The following GPC6 variants were observed in gnomAD, a reference collection of about 807,000 sequenced individuals.
GPC6 encodes the protein glypican-6.
GPC6 carries 14 observed loss-of-function variants against 55.2 expected under a neutral mutation model. That is an observed-to-expected ratio of 0.25 (90% CI 0.17 to 0.40). GPC6 has a LOEUF of 0.40. Ranked by LOEUF, GPC6 falls within the 10% of genes least tolerant of loss-of-function variation. GPC6 has a pLI of 1.00. For synonymous variants in GPC6, 278 were observed against 259.6 expected, an observed-to-expected ratio of 1.07 and a Z score of -0.68; for missense variants, 641 against 708.5, an observed-to-expected ratio of 0.90 and a Z score of 1.08.
In GPC6 at chr13:93,618,551, G is replaced by A. The variant is rs541019124; in HGVS notation, c.319+73130G>A. 4.6e-5 allele frequency among the ~76,000 whole-genome samples: 7 copies of A among 152,204 alleles called. No individual in the cohort carries two copies. In the South Asian group the frequency reaches 1.5e-3, roughly 32 times the overall value. ...AAAGAGAGGGCTTAGCAAAACAGATGTCCAAGGAGCCTCAGTAAACTCAAT... is the reference window on the plus strand; with the variant it reads ...AAAGAGAGGGCTTAGCAAAACAGATATCCAAGGAGCCTCAGTAAACTCAAT... On this transcript the variant is annotated intron_variant, in intron 2 of 8. Transcript: ENST00000377047.
intron 1 of GPC6, among the ~76,000 whole-genome samples, chr13:93,436,974 A>G (rs954348085): frequency 1.3e-5 from 2 of 151,938 alleles, no homozygotes; most frequent in Admixed American, 6.6e-5. Flanking sequence ...TCAACAGAAT[A>G]TGATTAATTT....
chr13:93,917,979 C>A (rs965698340), intron 3 of GPC6, among the ~76,000 whole-genome samples: 2 of 151,918 alleles, frequency 1.3e-5, no homozygotes, highest in Non-Finnish European at 2.9e-5. Context: ...TGCCTGTAAC[C>A]CCAGCTACTC....
At chr13:93,834,789 A>G (rs975592379) in intron 3 of GPC6, among the ~76,000 whole-genome samples, 2 of 152,196 alleles carry the variant, frequency 1.3e-5, no homozygotes, top group Admixed American at 6.5e-5. Context: ...GTCAGTTTCC[A>G]TGTTCCATAT....
chr13:93,916,691 G>A (rs1454193751), intron 3 of GPC6, among the ~76,000 whole-genome samples: 1 of 151,972 alleles, frequency 6.6e-6, no homozygotes, highest in African/African-American at 2.4e-5. Context: ...GCTGTGAAAT[G>A]CACTTTAAGT....
intron 2 of GPC6, among the ~76,000 whole-genome samples, chr13:93,795,163 C>T (rs1199533048): frequency 6.6e-6 from 1 of 152,066 alleles, no homozygotes; most frequent in Non-Finnish European, 1.5e-5. Flanking sequence ...ATTACATCTA[C>T]CCTAGGTATA....
intron 4 of GPC6, among the ~76,000 whole-genome samples, chr13:94,086,701 GATTGTAA>G (rs11279845): frequency 0.17 from 25,915 of 151,900 alleles, 2,744 homozygotes; most frequent in South Asian, 0.26. Flanking sequence ...AGACATGATT[GATTGTAA>G]ATCAGATAAC....
intron 3 of GPC6, among the ~76,000 whole-genome samples, chr13:93,937,035 A>G (rs1231133507): frequency 1.3e-5 from 2 of 152,236 alleles, no homozygotes; most frequent in Non-Finnish European, 2.9e-5. Context: ...AAGGTAGTAG[A>G]GAAAGCAGAA....
intron 1 of GPC6, among the ~76,000 whole-genome samples, chr13:93,259,044 A>G (rs1269628918): frequency 6.6e-6 from 1 of 152,188 alleles, no homozygotes; most frequent in African/African-American, 2.4e-5. Context: ...GCAAATGAGT[A>G]CAAAGACTGA....
intron 4 of GPC6, among the ~76,000 whole-genome samples, chr13:94,045,459 C>G (rs1883697976): frequency 1.3e-5 from 2 of 151,780 alleles, no homozygotes; most frequent in African/African-American, 4.8e-5. Context: ...GACATTCTTC[C>G]TCTTGTCCAC....
At chr13:93,322,595 C>T (rs973258721) in intron 1 of GPC6, among the ~76,000 whole-genome samples, 3 of 151,734 alleles carry the variant, frequency 2.0e-5, no homozygotes, top group Middle Eastern at 3.4e-3. Context: ...CGCCACCATG[C>T]CCAGCTAATT....
chr13:94,157,683 G>A (rs1888002447), intron 4 of GPC6, among the ~76,000 whole-genome samples: 1 of 152,188 alleles, frequency 6.6e-6, no homozygotes. Context: ...GGACTTGGAG[G>A]AGGAGACTGG....
At chr13:93,460,777 C>A (rs1878650001) in intron 1 of GPC6, among the ~76,000 whole-genome samples, 1 of 151,830 alleles carries the variant, frequency 6.6e-6, no homozygotes, top group Non-Finnish European at 1.5e-5. Context: ...ACTAATATTA[C>A]CCCCCCATTG....
intron 3 of GPC6, among the ~76,000 whole-genome samples, chr13:93,923,619 G>T (rs1004807106): frequency 2.0e-5 from 3 of 152,014 alleles, no homozygotes; most frequent in Non-Finnish European, 2.9e-5. Context: ...GTCTTAATTT[G>T]CTCTTTTTGT....
At chr13:94,273,530 A>G (rs929201603) in intron 4 of GPC6, among the ~76,000 whole-genome samples, 1 of 152,232 alleles carries the variant, frequency 6.6e-6, no homozygotes, top group East Asian at 1.9e-4. Context: ...CTTTGTCTCC[A>G]TCACCTATGT....
chr13:93,556,927 A>G (rs1214329697), intron 2 of GPC6, among the ~76,000 whole-genome samples: 2 of 152,038 alleles, frequency 1.3e-5, no homozygotes, highest in Non-Finnish European at 2.9e-5. Context: ...GTGTAACTAT[A>G]TTTTTTCATA....
intron 3 of GPC6, among the ~76,000 whole-genome samples, chr13:93,835,904 C>T (rs773840420): frequency 4.3e-4 from 66 of 152,104 alleles, no homozygotes; most frequent in Non-Finnish European, 4.0e-4. Context: ...GAGCTGGGAT[C>T]CATATAACTT....
intron 4 of GPC6, among the ~76,000 whole-genome samples, chr13:94,224,350 A>G (rs1438800615): frequency 6.6e-6 from 1 of 151,428 alleles, no homozygotes; most frequent in Admixed American, 6.6e-5. Context: ...ATAAAATATA[A>G]ACTTTATTTC....
chr13:94,204,876 A>T (rs886299885), intron 4 of GPC6, among the ~76,000 whole-genome samples: 2 of 152,188 alleles, frequency 1.3e-5, no homozygotes, highest in Non-Finnish European at 2.9e-5. Flanking sequence ...ATAAACATTT[A>T]TCTCTTAGAA....
At chr13:94,089,639 C>T (rs930965159) in intron 4 of GPC6, among the ~76,000 whole-genome samples, 1 of 152,106 alleles carries the variant, frequency 6.6e-6, no homozygotes, top group Non-Finnish European at 1.5e-5. Flanking sequence ...AAAATGCACA[C>T]AAATGTGAGA....
Sources: allele counts gnomAD v4.1 joint callset (sites outside exome capture counted in the v4.1 genomes callset), GRCh38; gene constraint gnomAD v4.1.1; transcripts MANE v1.5; gene names NCBI Gene and HGNC (gene_info 2026-07-23, HGNC 2026-07-21).